DACH2: variants seen among roughly 807,000 people sequenced by gnomAD.
DACH2 encodes dachshund homolog 2.
In DACH2, 17 loss-of-function variants were observed where a neutral mutation model predicts 35.8. The ratio of observed to expected loss-of-function variants is 0.48; its 90% CI spans 0.33 to 0.71. DACH2 has a LOEUF of 0.71. Ranked by LOEUF, DACH2 falls within the 30% of genes least tolerant of loss-of-function variation. DACH2 has a pLI of 0.02. For missense variants in DACH2, 469 were observed against 472.7 expected (o/e 0.99, Z 0.07); for synonymous variants, 195 against 177.3 (o/e 1.10, Z -0.79).
At chrX:86,149,180 C>T (rs1207151824) in intron 1 of DACH2, 72 bp downstream of exon 1, 9 of 1,082,659 alleles carry the variant, frequency 8.3e-6, no homozygotes, top group Non-Finnish European at 1.1e-5. Flanking sequence ...TCACCACCCT[C>T]ATCCAACTTT....
At chrX:86,363,835 G>T (rs1038754473) in intron 1 of DACH2, among the ~76,000 whole-genome samples, 2 of 111,323 alleles carry the variant, frequency 1.8e-5, no homozygotes, top group African/African-American at 6.5e-5. Flanking sequence ...AGTATGTAAA[G>T]AAAATTTTAA....
At chrX:86,158,401 G>A (rs752485919) in intron 1 of DACH2, among the ~76,000 whole-genome samples, 1 of 111,041 alleles carries the variant, frequency 9.0e-6, no homozygotes, top group African/African-American at 3.3e-5. Flanking sequence ...TTGCTGTATT[G>A]TCTTTAAGCT....
chrX:86,156,088 G>A (rs969093354), intron 1 of DACH2, among the ~76,000 whole-genome samples: 132 of 110,756 alleles, frequency 1.2e-3, no homozygotes, highest in African/African-American at 4.2e-3. Flanking sequence ...ATATTATACT[G>A]AGACTGTGAA....
chrX:86,407,626 C>A (rs1012031486), intron 2 of DACH2, among the ~76,000 whole-genome samples: 2 of 112,020 alleles, frequency 1.8e-5, no homozygotes, highest in Admixed American at 9.5e-5. Context: ...ATAATCCATA[C>A]CCAACCATAC....
At chrX:86,580,800 G>T (rs192903207) in intron 3 of DACH2, among the ~76,000 whole-genome samples, 1 of 111,877 alleles carries the variant, frequency 8.9e-6, no homozygotes, top group Non-Finnish European at 1.9e-5. Flanking sequence ...AATAAGCAAC[G>T]TGGAAAACAT....
Position 86,413,296 on chromosome X carries a change from G to A in DACH2, c.527+36434G>A, listed in dbSNP as rs772172712. ...GAAGAGTTGATATAACCCTGAGGTA[G>A]GACAGTAAAGGTATATTGCTGGTCT... On this transcript the variant is annotated intron_variant, in intron 2 of 11. Coordinates refer to ENST00000373125, the MANE Select transcript of DACH2 (RefSeq NM_053281.3). Among the ~76,000 whole-genome samples the A allele has an allele frequency of 4.5e-5, 5 of 112,147 alleles. No individual in the cohort carries two copies. In the East Asian group the frequency reaches 8.4e-4, roughly 19 times the overall value.
chrX:86,754,725 A>G (rs1248305235), intron 7 of DACH2, among the ~76,000 whole-genome samples: 1 of 111,545 alleles, frequency 9.0e-6, no homozygotes, highest in Admixed American at 9.5e-5. Context: ...AGTTACCTCC[A>G]ATTCCATCCA....
intron 1 of DACH2, among the ~76,000 whole-genome samples, chrX:86,226,602 G>A (rs955798796): frequency 9.0e-6 from 1 of 111,437 alleles, no homozygotes; most frequent in African/African-American, 3.2e-5. Context: ...TTTATGTAAG[G>A]CAATTTTTGC....
chrX:86,538,544 G>A (rs2148296296), intron 3 of DACH2, among the ~76,000 whole-genome samples: 1 of 111,871 alleles, frequency 8.9e-6, no homozygotes, highest in East Asian at 2.8e-4. Flanking sequence ...AAATTTATTA[G>A]CTCACAGTTC....
intron 7 of DACH2, among the ~76,000 whole-genome samples, chrX:86,788,519 C>A (rs1390223113): frequency 1.8e-5 from 2 of 112,060 alleles, no homozygotes; most frequent in Non-Finnish European, 3.8e-5. Context: ...TTTTCACAAT[C>A]ATTGGACTGC....
At chrX:86,160,371 C>T (rs1334897376) in intron 1 of DACH2, 1 of 727,579 alleles carries the variant, frequency 1.4e-6, no homozygotes, top group African/African-American at 2.1e-5. Context: ...GGAGGATAGT[C>T]TGAGAAGCTC....
At position 86,615,890 on chromosome X, in the gene DACH2, C is replaced by G. The variant is rs144246910; in HGVS notation, c.641-35146C>G. On this transcript the variant is annotated intron_variant, in intron 3 of 11. Coordinates refer to ENST00000373125, the MANE Select transcript of DACH2 (RefSeq NM_053281.3). The stretch of plus-strand genomic sequence containing the variant: ...TCACCCAGGTACTAAGCATAGTATC[C>G]AATAATTATTTTTTTTCTGATCCTC... Among the ~76,000 whole-genome samples, 1,041 of 110,395 alleles carry G rather than the reference C, an allele frequency of 9.4e-3. 11 individuals are homozygous for G. Among genetic ancestry groups the G allele is most frequent in the African/African-American group, 0.032 (983 of 30,356 alleles).
intron 2 of DACH2, among the ~76,000 whole-genome samples, chrX:86,442,592 T>C (rs1347347635): frequency 9.1e-6 from 1 of 110,332 alleles, no homozygotes; most frequent in Non-Finnish European, 1.9e-5. Context: ...TGTAGCTTAT[T>C]CTTTTGGGGT....
chrX:86,779,900 A>G (rs933290872), intron 7 of DACH2, among the ~76,000 whole-genome samples: 4 of 111,653 alleles, frequency 3.6e-5, no homozygotes, highest in South Asian at 3.7e-4. Flanking sequence ...CACTGCCCCA[A>G]TAAAGCACTT....
chrX:86,206,590 C>A (rs933269867), intron 1 of DACH2, among the ~76,000 whole-genome samples: 1 of 112,389 alleles, frequency 8.9e-6, no homozygotes, highest in Admixed American at 9.4e-5. Flanking sequence ...AGAAGCCAGA[C>A]TAGAGTCAGA....
chrX:86,502,015 C>T (rs1443099191), intron 2 of DACH2, among the ~76,000 whole-genome samples: 1 of 35,578 alleles, frequency 2.8e-5, no homozygotes, highest in Admixed American at 2.4e-4. Flanking sequence ...TCCTTCTTTC[C>T]TTCCTTCCTT....
intron 3 of DACH2, among the ~76,000 whole-genome samples, chrX:86,556,230 G>A (rs921980437): frequency 7.2e-5 from 8 of 111,253 alleles, no homozygotes; most frequent in African/African-American, 2.6e-4. Context: ...TCATACAATG[G>A]TGGGGAGGGC....
intron 4 of DACH2, among the ~76,000 whole-genome samples, chrX:86,666,390 G>T (rs1490498501): frequency 9.0e-6 from 1 of 111,095 alleles, no homozygotes; most frequent in Non-Finnish European, 1.9e-5. Flanking sequence ...TATCACTACA[G>T]TCATAGTCCA....
intron 2 of DACH2, among the ~76,000 whole-genome samples, chrX:86,417,697 C>T (rs1303829797): frequency 9.0e-6 from 1 of 111,337 alleles, no homozygotes; most frequent in Non-Finnish European, 1.9e-5. Context: ...GGTGGGGACA[C>T]ATCCAAACCA....
Sources: allele counts gnomAD v4.1 joint callset (sites outside exome capture counted in the v4.1 genomes callset), GRCh38; gene constraint gnomAD v4.1.1; transcripts MANE v1.5; gene names NCBI Gene and HGNC (gene_info 2026-07-23, HGNC 2026-07-21).